NBPF12: variants seen among roughly 807,000 people sequenced by gnomAD.
The protein encoded by NBPF12 is NBPF family member NBPF12.
Under a neutral mutation model 146.4 loss-of-function variants are expected in NBPF12, and 115 were observed. That is an observed-to-expected ratio of 0.79 (90% CI 0.68 to 0.92). The LOEUF is 0.92. NBPF12 is among the 40% of genes least tolerant of loss of function. The pLI, the probability that NBPF12 is intolerant of heterozygous loss-of-function variation, is 0.00. For synonymous variants in NBPF12, 385 were observed against 508.9 expected, an observed-to-expected ratio of 0.76 and a Z score of 3.28; for missense variants, 1,205 against 1,326.8, an observed-to-expected ratio of 0.91 and a Z score of 1.43.
intron 4 of NBPF12, among the ~76,000 whole-genome samples, chr1:146,961,308 G>A (rs1655835333): frequency 6.6e-6 from 1 of 151,660 alleles, no homozygotes; most frequent in East Asian, 1.9e-4. Context: ...AGTGTGCAAA[G>A]CAGGGACCCT....
chr1:146,995,865 G>C (rs1360912883), exon 34 of NBPF12: 2 of 149,904 alleles, frequency 1.3e-5, no homozygotes, highest in Non-Finnish European at 2.9e-5. Context: ...TAAATATCCT[G>C]TATTCTAATG....
chr1:146,949,063 C>T, upstream of NBPF12, among the ~76,000 whole-genome samples: 1 of 152,078 alleles, frequency 6.6e-6, no homozygotes, highest in Non-Finnish European at 1.5e-5. Context: ...ATCCTATTGT[C>T]CTGCCACATC....
At chr1:146,940,621 G>A (rs1654758160) in intron 1 of NBPF12, among the ~76,000 whole-genome samples, 1 of 151,052 alleles carries the variant, frequency 6.6e-6, no homozygotes, top group African/African-American at 2.4e-5. Context: ...TTAAGAAATA[G>A]AACATTACTA....
intron 2 of NBPF12, among the ~76,000 whole-genome samples, chr1:146,955,005 T>C (rs1655518110): frequency 1.3e-5 from 1 of 75,584 alleles, no homozygotes; most frequent in Non-Finnish European, 2.5e-5. Flanking sequence ...TATATATATA[T>C]ATATATATAC....
At chr1:146,962,900 G>A (rs1477338340) in intron 5 of NBPF12, among the ~76,000 whole-genome samples, 195 bp from the exon 9 acceptor site, 2 of 151,218 alleles carry the variant, frequency 1.3e-5, no homozygotes, top group African/African-American at 2.4e-5. Context: ...TCTTGCAGGA[G>A]CCCTCTCTGA....
chr1:146,980,708 G>A (rs1449553946), intron 19 of NBPF12, among the ~76,000 whole-genome samples: 1 of 151,284 alleles, frequency 6.6e-6, no homozygotes, highest in Admixed American at 6.6e-5. Flanking sequence ...CAACGATTGT[G>A]GAAGGCAGTG....
chr1:146,967,058 T>A (rs1656257870), intron 9 of NBPF12, among the ~76,000 whole-genome samples: 1 of 151,370 alleles, frequency 6.6e-6, no homozygotes, highest in Non-Finnish European at 1.5e-5. Flanking sequence ...TTTTATTCAG[T>A]CCAAGTTTCT....
chr1:146,964,860 C>T (rs1407195636), intron 7 of NBPF12, 33 bp from the exon 11 acceptor site: 24 of 1,546,600 alleles, frequency 1.6e-5, no homozygotes, highest in Non-Finnish European at 1.9e-5. Context: ...TGTGTTTAAT[C>T]TTCTGTCATC....
intron 8 of NBPF12, among the ~76,000 whole-genome samples, chr1:146,966,159 T>A (rs1656193519): frequency 6.6e-6 from 1 of 151,920 alleles, no homozygotes; most frequent in East Asian, 1.9e-4. Context: ...CAAAATGAAA[T>A]CTTTTGTGCT....
rs1483852495 is a variant in NBPF12, at chr1:146,961,637, C to T, written c.176-524C>T. 2.6e-5 allele frequency among the ~76,000 whole-genome samples: 4 copies of T among 152,002 alleles called. No homozygotes were observed. The South Asian group carries it at 8.3e-4, about 31-fold the overall frequency. ...CCTTCATGGCCTTATTTTCTTATGTCTCACACTTTATGCTTCAGATATGAT... is the reference window on the plus strand; with the variant it reads ...CCTTCATGGCCTTATTTTCTTATGTTTCACACTTTATGCTTCAGATATGAT... On this transcript the variant is annotated intron_variant, in intron 4 of 33. Transcript: ENST00000617844.
chr1:146,966,766 C>G, intron 9 of NBPF12, 93 bp downstream of exon 12: 1 of 799,638 alleles, frequency 1.3e-6, no homozygotes. Context: ...AAAATAATGT[C>G]ATCCTCCCCA....
chr1:146,984,700 G>C, intron 21 of NBPF12, 113 bp from the exon 25 acceptor site: 1 of 752,924 alleles, frequency 1.3e-6, no homozygotes, highest in East Asian at 2.6e-5. Context: ...CTCATTAATG[G>C]ATCTGTCCTT....
At chr1:146,969,798 C>A (rs1291547518) in intron 11 of NBPF12, among the ~76,000 whole-genome samples, 4 of 151,314 alleles carry the variant, frequency 2.6e-5, no homozygotes, top group Non-Finnish European at 5.9e-5. Flanking sequence ...AAGTGTCCCT[C>A]CTTCCTTGAT....
chr1:146,947,102 T>C (rs1451929502), upstream of NBPF12, among the ~76,000 whole-genome samples: 3 of 151,768 alleles, frequency 2.0e-5, no homozygotes, highest in Non-Finnish European at 2.9e-5. Flanking sequence ...AGTCCTGAAG[T>C]TGGTAGTGCC....
chr1:146,948,179 GT>G, upstream of NBPF12, among the ~76,000 whole-genome samples: 1 of 151,934 alleles, frequency 6.6e-6, no homozygotes, highest in African/African-American at 2.4e-5. Context: ...CCTGGCTAAT[GT>G]TTGTATTTTT....
chr1:146,940,088 T>G (rs1654729180), intron 1 of NBPF12, among the ~76,000 whole-genome samples: 2 of 152,122 alleles, frequency 1.3e-5, no homozygotes, highest in East Asian at 3.8e-4. Context: ...TTCACGAAGT[T>G]AAGGAAAACT....
At position 146,981,294 on chromosome 1, in the gene NBPF12, AAT is replaced by A. The variant is rs1156779222; in HGVS notation, c.2451-1614_2451-1613del. On this transcript the variant is annotated intron_variant, in intron 19 of 33. Transcript: ENST00000617844. Reference sequence around the variant, plus strand: ...TAAAGTATTAAAAAAAAAAAAAAAAAATATATATATATATATATATACATACA... The same window carrying A: ...TAAAGTATTAAAAAAAAAAAAAAAAAATATATATATATATATATACATACA... Among the ~76,000 whole-genome samples the A allele has an allele frequency of 4.7e-3, 428 of 90,222 alleles. 12 individuals are homozygous for A. Among genetic ancestry groups the A allele is most frequent in the African/African-American group, 0.019 (399 of 20,850 alleles). The allele number at this position is 90,222 out of a possible 152,430, so 59.2% of individuals were successfully genotyped here. A position where few individuals can be genotyped will look rare whatever the true frequency, so the allele number is the denominator to read the frequency against.
At chr1:146,970,522 A>T (rs1265047187) in intron 11 of NBPF12, 125 bp from the exon 15 acceptor site, 13 of 1,308,990 alleles carry the variant, frequency 9.9e-6, no homozygotes, top group Non-Finnish European at 1.4e-5. Context: ...TGAAAGATAA[A>T]ACATGAGAGT....
rs1219877825 is a variant in NBPF12 at position 146,957,559 on chromosome 1, A to G, written c.-183-2300A>G. 196 of 152,634 alleles carry G rather than the reference A, an allele frequency of 1.3e-3. 27 individuals are homozygous for G. In the Middle Eastern group the frequency reaches 0.014, roughly 11 times the overall value. 9.5% of individuals were successfully genotyped at this position (152,634 alleles called of 1,614,324 possible). ...ACCAACCTCAGCTGGCGTGATGTTGAGGAAGGTTTTCCCTGGGACGGTGGC... is the reference window on the plus strand; with the variant it reads ...ACCAACCTCAGCTGGCGTGATGTTGGGGAAGGTTTTCCCTGGGACGGTGGC... On this transcript the variant is annotated intron_variant, in intron 2 of 33. Coordinates refer to ENST00000617844, the Ensembl canonical transcript of NBPF12.
Sources: allele counts gnomAD v4.1 joint callset (sites outside exome capture counted in the v4.1 genomes callset), GRCh38; gene constraint gnomAD v4.1.1; transcripts MANE v1.5; gene names NCBI Gene and HGNC (gene_info 2026-07-23, HGNC 2026-07-21).